BTNL9: variants seen among roughly 807,000 people sequenced by gnomAD.
BTNL9 encodes butyrophilin like 9.
BTNL9 carries 45 observed loss-of-function variants against 45.8 expected under a neutral mutation model. The ratio of observed to expected loss-of-function variants is 0.98; its 90% CI spans 0.77 to 1.26. BTNL9 has a LOEUF of 1.26. Among genes scored for constraint, BTNL9 ranks in the 50% most tolerant of loss-of-function variants. The pLI, the probability that BTNL9 is intolerant of heterozygous loss-of-function variation, is 0.00. For missense variants in BTNL9, 784 were observed against 729.7 expected, an observed-to-expected ratio of 1.07 and a Z score of -0.86; for synonymous variants, 346 against 330.8, an observed-to-expected ratio of 1.05 and a Z score of -0.50.
In BTNL9 at chr5:181,055,492, G is replaced by A. The variant is rs537229578; in HGVS notation, c.928+39G>A. ...CTTAGAACTATTTCTCCTCAGGGCC[G>A]GGTCCAGTGGCTCACACCTGTAATC... On this transcript the variant is annotated intron_variant, in intron 8 of 10. Transcript: ENST00000327705. The surrounding 1 kb of genome is among the most constrained non-coding windows in gnomAD (Gnocchi z 4.4). The A allele has an allele frequency of 7.4e-6, 12 of 1,611,176 alleles. No homozygotes were observed. The highest frequency in any genetic ancestry group is 2.2e-5 in the East Asian group (1 of 44,862).
chr5:181,048,918 AAAT>A (rs1340739832), intron 3 of BTNL9, among the ~76,000 whole-genome samples: 2 of 81,342 alleles, frequency 2.5e-5, no homozygotes, highest in Non-Finnish European at 2.8e-5. Context: ...TATAATATAA[AAAT>A]AATATATATT....
At chr5:181,056,167 C>T (rs141029626) in intron 9 of BTNL9, 152 bp downstream of exon 9, 1 of 927,250 alleles carries the variant, frequency 1.1e-6, no homozygotes, top group Non-Finnish European at 1.8e-6. Context: ...AGAGGTCATA[C>T]TCTGTCCTGA....
chr5:181,055,528 G>T lies in BTNL9; in HGVS notation c.928+75G>T. Reference sequence around the variant, plus strand: ...CTCACACCTGTAATCCCAGTACTTTGGGAGGCCGAGGCGGGTGGATCACGA... The same window carrying T: ...CTCACACCTGTAATCCCAGTACTTTTGGAGGCCGAGGCGGGTGGATCACGA... On this transcript the variant is annotated intron_variant, in intron 8 of 10. Transcript: ENST00000327705. The surrounding 1 kb of genome is among the most constrained non-coding windows in gnomAD (Gnocchi z 4.4). 6.5e-7 allele frequency: 1 copy of T among 1,549,260 alleles called. No individual in the cohort carries two copies. Among genetic ancestry groups the T allele is most frequent in the South Asian group, 1.1e-5 (1 of 89,724 alleles).
At position 181,059,836 on chromosome 5, in the gene BTNL9, G is replaced by A. The variant is rs200438302; in HGVS notation, c.1582G>A (p.Ala528Thr). 31 of 1,587,562 alleles carry A rather than the reference G, an allele frequency of 2.0e-5. No homozygotes were observed. The highest frequency in any genetic ancestry group is 2.5e-5 in the Non-Finnish European group (29 of 1,173,112). The stretch of plus-strand genomic sequence containing the variant: ...CACCTGGCTACAGCCCTATGAGCCC[G>A]CGGACCCCGCCCTGGACTGGTGGTG... ...SDTWLQPYEP[A>T]DPALDWW Residue 528 changes from alanine (A) to threonine (T), a missense_variant, in exon 11 of 11, where the codon GCG becomes ACG. Ala to Thr is a moderately conservative substitution (Grantham distance 58). Coordinates refer to ENST00000327705, the MANE Select transcript of BTNL9 (RefSeq NM_152547.5).
In BTNL9 at chr5:181,060,397, G is replaced by A. The variant is rs1304340700; in HGVS notation, c.*535G>A. 1 of 152,472 alleles carries A rather than the reference G, an allele frequency of 6.6e-6. No homozygotes were observed. Among genetic ancestry groups the A allele is most frequent in the Admixed American group, 6.5e-5 (1 of 15,278 alleles). The allele number at this position is 152,472 out of a possible 1,614,324, so 9.4% of individuals were successfully genotyped here. On this transcript the variant is annotated 3_prime_UTR_variant, in exon 11 of 11. Transcript: ENST00000327705. ...GGGGCAAAAATTTCAAGGTGAGCCTGGAGCATTGTGTGTGGTGAAGTAAAA... is the reference window on the plus strand; with the variant it reads ...GGGGCAAAAATTTCAAGGTGAGCCTAGAGCATTGTGTGTGGTGAAGTAAAA...
At chr5:181,045,651 A>C in intron 2 of BTNL9, 53 bp downstream of exon 2, 1 of 1,412,102 alleles carries the variant, frequency 7.1e-7, no homozygotes, top group Admixed American at 1.7e-5. Context: ...CCCTCCTGCC[A>C]GGTGCTCCCC....
chr5:181,041,207 A>G (rs1760759877), intron 1 of BTNL9, among the ~76,000 whole-genome samples: 1 of 152,230 alleles, frequency 6.6e-6, no homozygotes, highest in Non-Finnish European at 1.5e-5. Context: ...AAACACTGGG[A>G]TCGCTCAGGA....
rs2113139550 is a variant in BTNL9, at chr5:181,042,990, G to A, written c.-23-2477G>A. ...CAGAGCGAGGCTCTGGAACCAGACA[G>A]TGGGTGGAACCCCACCCCACCACTC... On this transcript the variant is annotated intron_variant, in intron 1 of 10. Transcript: ENST00000327705. The surrounding 1 kb of genome is among the most constrained non-coding windows in gnomAD (Gnocchi z 4.5). 6.6e-6 allele frequency among the ~76,000 whole-genome samples: 1 copy of A among 152,240 alleles called. No homozygotes were observed. Among genetic ancestry groups the A allele is most frequent in the East Asian group, 1.9e-4 (1 of 5,172 alleles).
Position 181,059,402 on chromosome 5 carries a change from G to T in BTNL9, c.1148G>T (p.Arg383Leu). The change falls in exon 11 of 11, where the codon CGC becomes CTC. Residue 383 changes from arginine to leucine, a missense_variant. Physicochemically the swap from Arg to Leu is moderately radical, Grantham distance 102 (BLOSUM62 -2). Coordinates refer to ENST00000327705, the MANE Select transcript of BTNL9 (RefSeq NM_152547.5). Reference protein sequence around the residue: ...ALSLERFSAGRHYWEVHVGRR... With the variant: ...ALSLERFSAGLHYWEVHVGRR... ...AGCCTGGAGCGGTTCTCCGCCGGCCGCCACTACTGGGAGGTGCACGTGGGC... is the reference window on the plus strand; with the variant it reads ...AGCCTGGAGCGGTTCTCCGCCGGCCTCCACTACTGGGAGGTGCACGTGGGC... 6.6e-7 allele frequency: 1 copy of T among 1,525,300 alleles called. No individual in the cohort carries two copies. The allele number at this position is 1,525,300 out of a possible 1,614,324, so 94.5% of individuals were successfully genotyped here. A position where few individuals can be genotyped will look rare whatever the true frequency, so the allele number is the denominator to read the frequency against.
Position 181,053,855 on chromosome 5 carries a change from G to A in BTNL9, c.886+354G>A. ...AGGTTTTCATAGCGCACAGGGAGTC[G>A]GGCGGATGCGCAACATCTCCGCACA... On this transcript the variant is annotated intron_variant, in intron 6 of 10. Transcript: ENST00000327705. The surrounding 1 kb of genome is among the most constrained non-coding windows in gnomAD (Gnocchi z 6.5). 3 of 1,506,214 alleles carry A rather than the reference G, an allele frequency of 2.0e-6. No homozygotes were observed. The highest frequency in any genetic ancestry group is 1.8e-6 in the Non-Finnish European group (2 of 1,128,090). The allele number at this position is 1,506,214 out of a possible 1,614,324, so 93.3% of individuals were successfully genotyped here. A position where few individuals can be genotyped will look rare whatever the true frequency, so the allele number is the denominator to read the frequency against.
intron 10 of BTNL9, 194 bp from the exon 11 acceptor site, chr5:181,059,043 A>G: frequency 8.0e-6 from 4 of 500,230 alleles, no homozygotes; most frequent in South Asian, 1.7e-4. Flanking sequence ...CCTTGTCACT[A>G]TCAAACACTC....
In BTNL9 at chr5:181,053,449, C is replaced by T. The variant is rs1761692051; in HGVS notation, c.854-20C>T. The T allele has an allele frequency of 1.3e-6, 2 of 1,561,806 alleles. No individual in the cohort carries two copies. Among genetic ancestry groups the T allele is most frequent in the East Asian group, 2.4e-5 (1 of 42,172 alleles). ...GGCGGGGGCGCGCACTCAGCCCTCT[C>T]CGCTCCCGTTTCCCTTCAGAAAAGC... On this transcript the variant is annotated intron_variant, in intron 5 of 10. Coordinates refer to ENST00000327705, the MANE Select transcript of BTNL9 (RefSeq NM_152547.5). This position sits in a 1 kb window ranked among gnomAD's most constrained non-coding sequence, Gnocchi z 6.5.
rs983027373 is a variant in BTNL9 at position 181,054,971 on chromosome 5, G to A, written c.908-462G>A. ...AGATCAAAGGAATGCATTTTTAGTA[G>A]CAAAATGTTGGAGTCCTTGGTAATT... is the stretch of plus-strand genomic sequence containing the variant. On this transcript the variant is annotated intron_variant, in intron 7 of 10. Transcript: ENST00000327705. The A allele has an allele frequency of 5.1e-6, 5 of 985,360 alleles. No homozygotes were observed. The African/African-American group carries it at 8.7e-5, about 17-fold the overall frequency. 61.0% of individuals were successfully genotyped at this position (985,360 alleles called of 1,614,324 possible). A position where few individuals can be genotyped will look rare whatever the true frequency, so the allele number is the denominator to read the frequency against.
Position 181,055,303 on chromosome 5 carries a change from T to TAA in BTNL9, c.908-118_908-117dup, listed in dbSNP as rs112262574. The TAA allele has an allele frequency of 4.9e-4, 650 of 1,315,740 alleles. No homozygotes were observed. Among genetic ancestry groups the TAA allele is most frequent in the South Asian group, 5.8e-4 (39 of 67,718 alleles). The allele number at this position is 1,315,740 out of a possible 1,614,324, so 81.5% of individuals were successfully genotyped here. Reference sequence around the variant, plus strand: ...CAATGAAGGGGCAAAGAGGAAGCTGTAAAAAAAAAAAAATGAAGCTGTGAT... The same window carrying TAA: ...CAATGAAGGGGCAAAGAGGAAGCTGTAAAAAAAAAAAAAAATGAAGCTGTGAT... On this transcript the variant is annotated intron_variant, in intron 7 of 10. Transcript: ENST00000327705. This position sits in a 1 kb window ranked among gnomAD's most constrained non-coding sequence, Gnocchi z 4.4.
At chr5:181,058,235 TG>T in intron 9 of BTNL9, 116 bp from the exon 10 acceptor site, 1 of 1,207,416 alleles carries the variant, frequency 8.3e-7, no homozygotes, top group Middle Eastern at 1.9e-4. Context: ...GTTGTCACAG[TG>T]GGAATGGGGT....
In BTNL9 at chr5:181,053,722, A is replaced by G. The variant is rs1761712120; in HGVS notation, c.886+221A>G. On this transcript the variant is annotated intron_variant, in intron 6 of 10. Coordinates refer to ENST00000327705, the MANE Select transcript of BTNL9 (RefSeq NM_152547.5). This position sits in a 1 kb window ranked among gnomAD's most constrained non-coding sequence, Gnocchi z 6.5. ...CTGCATTTTCCACGGAGGCTAGTGC[A>G]CAGATGTCAGGGTTGACCGGCTGCT... is the stretch of plus-strand genomic sequence containing the variant. 1.3e-6 allele frequency: 2 copies of G among 1,514,788 alleles called. No homozygotes were observed. The highest frequency in any genetic ancestry group is 2.6e-5 in the South Asian group (2 of 77,410). The allele number at this position is 1,514,788 out of a possible 1,614,324, so 93.8% of individuals were successfully genotyped here.
rs772554284 is a variant in BTNL9, at chr5:181,048,034, C to T, written c.217C>T (p.Arg73Cys). The change falls in exon 3 of 11, where the codon CGC becomes TGC. Residue 73 changes from arginine to cysteine, a missense_variant. Coordinates refer to ENST00000327705, the MANE Select transcript of BTNL9 (RefSeq NM_152547.5). ...GCTGGATGCCCAGCAAATGGAGATC[C>T]GCTGGTTCCGGAGTCAGACCTTCAA... ...PQLDAQQMEI[R>C]WFRSQTFNVV... 15 of 1,613,620 alleles carry T rather than the reference C, an allele frequency of 9.3e-6. No homozygotes were observed. The highest frequency in any genetic ancestry group is 6.7e-5 in the African/African-American group (5 of 74,916).
rs1262375032 is a variant in BTNL9, at chr5:181,048,169, C to T, written c.352C>T (p.Leu118=). ...CGACATCGCCTATGGCAGCGTGGTC[C>T]TGCAGCTTCACAGCATCATCCCCTC... ...KDDIAYGSVV[L]QLHSIIPSDK... The change falls in exon 3 of 11, where the codon CTG becomes TTG. Residue 118 remains leucine (L), a synonymous_variant. Transcript: ENST00000327705. 1 of 1,613,430 alleles carries T rather than the reference C, an allele frequency of 6.2e-7. No homozygotes were observed. Among genetic ancestry groups the T allele is most frequent in the African/African-American group, 1.3e-5 (1 of 74,940 alleles).
In BTNL9 at chr5:181,048,746, T is replaced by TAG. The variant is rs1473778444; in HGVS notation, c.454+476_454+477insGA. 9.5e-4 allele frequency among the ~76,000 whole-genome samples: 52 copies of TAG among 54,458 alleles called. 1 individual carries two copies. The highest frequency in any genetic ancestry group is 5.0e-3 in the South Asian group (8 of 1,614). 35.7% of individuals were successfully genotyped at this position (54,458 alleles called of 152,430 possible). ...ATATATCTATATATATATCTATCTA[T>TAG]ATATATAGATATAGATATATATAGT... is the stretch of plus-strand genomic sequence containing the variant. On this transcript the variant is annotated intron_variant, in intron 3 of 10. Transcript: ENST00000327705.
Sources: allele counts gnomAD v4.1 joint callset (sites outside exome capture counted in the v4.1 genomes callset), GRCh38; gene constraint gnomAD v4.1.1; non-coding constraint Gnocchi (gnomAD v3.1); transcripts MANE v1.5; gene names NCBI Gene and HGNC (gene_info 2026-07-23, HGNC 2026-07-21).